VGLL4: variants seen among roughly 807,000 people sequenced by gnomAD.
VGLL4 encodes the protein vestigial like family member 4.
In VGLL4, 7 loss-of-function variants were observed where a neutral mutation model predicts 21.0. The ratio of observed to expected loss-of-function variants is 0.33; its 90% CI spans 0.19 to 0.63. The LOEUF (loss-of-function observed/expected upper bound fraction) is 0.63, where lower values mean the gene tolerates loss of function less well. VGLL4 is among the 20% of genes least tolerant of loss of function. The pLI, the probability that VGLL4 is intolerant of heterozygous loss-of-function variation, is 0.78. For synonymous variants in VGLL4, 222 were observed against 173.2 expected, an observed-to-expected ratio of 1.28 and a Z score of -2.21; for missense variants, 394 against 425.7, an observed-to-expected ratio of 0.93 and a Z score of 0.66.
At chr3:11,686,276 T>C (rs943413828) in intron 2 of VGLL4, among the ~76,000 whole-genome samples, 3 of 152,212 alleles carry the variant, frequency 2.0e-5, no homozygotes, top group African/African-American at 7.2e-5. Flanking sequence ...GATCTGTCCA[T>C]CCACAGATAA....
chr3:11,594,043 A>G (rs1285165227), intron 2 of VGLL4, among the ~76,000 whole-genome samples: 1 of 152,236 alleles, frequency 6.6e-6, no homozygotes, highest in African/African-American at 2.4e-5. Flanking sequence ...TCCAACGGGA[A>G]CGTGGGCTCA....
At chr3:11,567,062 CAGG>C (rs1311630713) in intron 2 of VGLL4, among the ~76,000 whole-genome samples, 3 of 151,994 alleles carry the variant, frequency 2.0e-5, no homozygotes, top group Non-Finnish European at 4.4e-5. Flanking sequence ...AAGGGCTGAG[CAGG>C]AGAAGCACCA....
intron 2 of VGLL4, among the ~76,000 whole-genome samples, chr3:11,691,998 A>AG (rs1394719998): frequency 6.6e-6 from 1 of 151,944 alleles, no homozygotes; most frequent in East Asian, 1.9e-4. Context: ...AAAAAAAAAA[A>AG]AAAGAACTAC....
chr3:11,557,642 AAAAT>A lies in VGLL4; in HGVS notation c.*910_*913del, dbSNP rs1173888264. On this transcript the variant is annotated 3_prime_UTR_variant, in exon 5 of 5. Coordinates refer to ENST00000430365, the MANE Select transcript of VGLL4 (RefSeq NM_001128219.3). Reference sequence around the variant, plus strand: ...AGTATATCTAGGACTGTAACTGACAAAAATAAACTAATTCTGAAAAGAAGATAGT... The same window carrying A: ...AGTATATCTAGGACTGTAACTGACAAAAACTAATTCTGAAAAGAAGATAGT... The A allele has an allele frequency of 1.3e-5, 2 of 152,782 alleles. No individual in the cohort carries two copies. The highest frequency in any genetic ancestry group is 2.4e-5 in the African/African-American group (1 of 41,470). 9.5% of individuals were successfully genotyped at this position (152,782 alleles called of 1,614,324 possible).
upstream of VGLL4, among the ~76,000 whole-genome samples, chr3:11,645,966 C>T (rs532528749): frequency 6.6e-5 from 10 of 152,006 alleles, no homozygotes; most frequent in South Asian, 2.1e-4. Flanking sequence ...AACAAGACTC[C>T]GTCTCAAAAA....
chr3:11,599,852 CTAA>C (rs1417380546), intron 2 of VGLL4, among the ~76,000 whole-genome samples: 4 of 151,710 alleles, frequency 2.6e-5, no homozygotes, highest in Non-Finnish European at 5.9e-5. Context: ...TTTTAATATT[CTAA>C]TAATAATATT....
At chr3:11,569,847 C>CTTTA (rs1389564559) in intron 2 of VGLL4, among the ~76,000 whole-genome samples, 4 of 152,278 alleles carry the variant, frequency 2.6e-5, no homozygotes, top group Admixed American at 6.5e-5. Flanking sequence ...CGCCACTGCA[C>CTTTA]TTTAGCCTGG....
chr3:11,682,191 G>A (rs1295952551), intron 2 of VGLL4, among the ~76,000 whole-genome samples: 1 of 152,070 alleles, frequency 6.6e-6, no homozygotes, highest in Non-Finnish European at 1.5e-5. Context: ...ATCACTTGAG[G>A]TCAGGAGTTT....
At chr3:11,635,683 G>C (rs565708225) in intron 1 of VGLL4, among the ~76,000 whole-genome samples, 6 of 152,284 alleles carry the variant, frequency 3.9e-5, no homozygotes, top group African/African-American at 1.4e-4. Flanking sequence ...TTGGTATGAA[G>C]CCTCTAATAG....
chr3:11,623,619 T>A (rs1173757996), intron 1 of VGLL4, among the ~76,000 whole-genome samples: 3 of 152,212 alleles, frequency 2.0e-5, no homozygotes, highest in Non-Finnish European at 4.4e-5. Context: ...TCTAACTGTC[T>A]GCAGGTGACA....
At chr3:11,588,091 T>C (rs114574017) in intron 2 of VGLL4, among the ~76,000 whole-genome samples, 1,556 of 152,322 alleles carry the variant, frequency 0.01, 15 homozygotes, top group South Asian at 0.03. Flanking sequence ...AGGGTTTATG[T>C]GGGCTTAAAA....
chr3:11,688,910 C>A (rs1358149075), intron 2 of VGLL4, among the ~76,000 whole-genome samples: 1 of 151,794 alleles, frequency 6.6e-6, no homozygotes, highest in Non-Finnish European at 1.5e-5. Context: ...CCCAGCTACT[C>A]GGGAGGCTAT....
chr3:11,577,174 G>A (rs574202981), intron 2 of VGLL4, among the ~76,000 whole-genome samples: 1 of 152,210 alleles, frequency 6.6e-6, no homozygotes, highest in Non-Finnish European at 1.5e-5. Context: ...AGTGGTCTGA[G>A]GAGACCTTCT....
chr3:11,695,863 C>G (rs2076600546), intron 2 of VGLL4, among the ~76,000 whole-genome samples: 1 of 152,082 alleles, frequency 6.6e-6, no homozygotes, highest in Admixed American at 6.6e-5. Flanking sequence ...AGATAAGCCT[C>G]CAAACTATCC....
intron 2 of VGLL4, among the ~76,000 whole-genome samples, chr3:11,571,247 G>T (rs528862743): frequency 9.9e-5 from 15 of 152,264 alleles, no homozygotes; most frequent in African/African-American, 3.6e-4. Context: ...CTATGCGTCA[G>T]CAACTACTGC....
chr3:11,671,875 C>T (rs1451608523), intron 2 of VGLL4, among the ~76,000 whole-genome samples: 1 of 152,136 alleles, frequency 6.6e-6, no homozygotes, highest in Non-Finnish European at 1.5e-5. Context: ...AAAATTCTAG[C>T]CAAAATGCTT....
intron 1 of VGLL4, among the ~76,000 whole-genome samples, chr3:11,714,208 C>T (rs2076888588): frequency 6.6e-6 from 1 of 152,184 alleles, no homozygotes. Flanking sequence ...GCAATGCTGC[C>T]TGATGCTGGT....
chr3:11,664,971 G>T (rs950935401), intron 2 of VGLL4, among the ~76,000 whole-genome samples: 1 of 151,520 alleles, frequency 6.6e-6, no homozygotes, highest in African/African-American at 2.4e-5. Context: ...CTATCACCCA[G>T]GCTGGAGTGC....
intron 1 of VGLL4, among the ~76,000 whole-genome samples, chr3:11,706,924 T>C (rs950003356): frequency 5.3e-5 from 8 of 152,186 alleles, no homozygotes; most frequent in Admixed American, 4.6e-4. Context: ...AGCTGACAGC[T>C]GGCCTTCAGG....
Sources: allele counts gnomAD v4.1 joint callset (sites outside exome capture counted in the v4.1 genomes callset), GRCh38; gene constraint gnomAD v4.1.1; transcripts MANE v1.5; gene names NCBI Gene and HGNC (gene_info 2026-07-23, HGNC 2026-07-21).